Variants in NMNAT3 observed in about 807,000 individuals in gnomAD.
The protein encoded by NMNAT3 is nicotinamide/nicotinic acid mononucleotide adenylyltransferase 3.
In NMNAT3, 21 loss-of-function variants were observed where a neutral mutation model predicts 24.8. The observed-to-expected ratio is 0.85, with a 90% CI of 0.60 to 1.22. The LOEUF (loss-of-function observed/expected upper bound fraction) is 1.22, where lower values mean the gene tolerates loss of function less well. NMNAT3 is among the 50% of genes most tolerant of loss of function. The pLI is 0.00. For missense variants in NMNAT3, 387 were observed against 436.6 expected, an observed-to-expected ratio of 0.89 and a Z score of 1.01; for synonymous variants, 136 against 155.2, an observed-to-expected ratio of 0.88 and a Z score of 0.92.
rs1299887100 is a variant in NMNAT3, at chr3:139,591,805, A to G, written c.110-8597T>C. 4.6e-5 allele frequency among the ~76,000 whole-genome samples: 7 copies of G among 152,366 alleles called. No individual in the cohort carries two copies. In the South Asian group the frequency reaches 8.3e-4, roughly 18 times the overall value. On this transcript the variant is annotated intron_variant, in intron 3 of 6. Coordinates refer to ENST00000643695, the MANE Select transcript of NMNAT3 (RefSeq NM_001320510.2). Reference sequence around the variant, plus strand: ...AACAAACAGAAAGGACATCCACACCAAAAACCCATCTGTACTTCACCATCA... The same window carrying G: ...AACAAACAGAAAGGACATCCACACCGAAAACCCATCTGTACTTCACCATCA...
chr3:139,652,434 G>A (rs1165549571), intron 1 of NMNAT3, among the ~76,000 whole-genome samples: 2 of 152,228 alleles, frequency 1.3e-5, no homozygotes, highest in Non-Finnish European at 2.9e-5. Context: ...GGGACTTAGA[G>A]AACTGAACTT....
chr3:139,623,895 CT>C (rs1263386576), intron 3 of NMNAT3, among the ~76,000 whole-genome samples: 1 of 152,110 alleles, frequency 6.6e-6, no homozygotes, highest in Non-Finnish European at 1.5e-5. Context: ...ACTTTTTAGA[CT>C]TTTATATGAT....
At chr3:139,580,315 GT>G (rs1239886199) in intron 4 of NMNAT3, among the ~76,000 whole-genome samples, 1 of 152,168 alleles carries the variant, frequency 6.6e-6, no homozygotes, top group Admixed American at 6.5e-5. Context: ...TAGAGACAGG[GT>G]TTTGCCATGT....
At chr3:139,628,254 C>A (rs1336216461) in intron 2 of NMNAT3, among the ~76,000 whole-genome samples, 3 of 152,182 alleles carry the variant, frequency 2.0e-5, no homozygotes, top group Admixed American at 2.0e-4. Flanking sequence ...AAAAAAGTTA[C>A]AAAATTTATA....
intron 2 of NMNAT3, among the ~76,000 whole-genome samples, chr3:139,629,515 A>C (rs1415606706): frequency 6.6e-6 from 1 of 152,256 alleles, no homozygotes; most frequent in Non-Finnish European, 1.5e-5. Flanking sequence ...TTATGCAGTA[A>C]TAGATAATAC....
intron 3 of NMNAT3, chr3:139,599,543 G>C (rs867840842): frequency 4.9e-6 from 3 of 613,718 alleles, no homozygotes; most frequent in Middle Eastern, 2.5e-4. Flanking sequence ...AATGTAGCAT[G>C]TTAAGAAAAA....
In NMNAT3 at chr3:139,672,496, C is replaced by T. The variant is rs2057791886; in HGVS notation, c.-141+5209G>A. 2.6e-5 allele frequency: 4 copies of T among 152,280 alleles called. No homozygotes were observed. In the South Asian group the frequency reaches 8.3e-4, roughly 32 times the overall value. 9.4% of individuals were successfully genotyped at this position (152,280 alleles called of 1,614,324 possible). On this transcript the variant is annotated intron_variant, in intron 1 of 6. Transcript: ENST00000643695. ...TTTATGAAAGGGAGATTTCCAGAACCACTTCTTTTCTCCATGGCTAAGAGC... is the reference window on the plus strand; with the variant it reads ...TTTATGAAAGGGAGATTTCCAGAACTACTTCTTTTCTCCATGGCTAAGAGC...
chr3:139,666,660 T>C (rs1230313481), intron 1 of NMNAT3, among the ~76,000 whole-genome samples: 1 of 152,192 alleles, frequency 6.6e-6, no homozygotes, highest in African/African-American at 2.4e-5. Context: ...GTCACCCTAC[T>C]GTGCTATCAG....
intron 2 of NMNAT3, among the ~76,000 whole-genome samples, chr3:139,630,275 C>T (rs2056238350): frequency 6.6e-6 from 1 of 152,126 alleles, no homozygotes; most frequent in African/African-American, 2.4e-5. Flanking sequence ...CCAGAAAAGG[C>T]ATCTATTTAG....
At chr3:139,580,445 T>A (rs1206270219) in intron 4 of NMNAT3, among the ~76,000 whole-genome samples, 2 of 151,950 alleles carry the variant, frequency 1.3e-5, no homozygotes, top group Non-Finnish European at 2.9e-5. Context: ...TTTTTCTGAG[T>A]GTTTTGTAGA....
intron 3 of NMNAT3, among the ~76,000 whole-genome samples, chr3:139,618,176 T>C (rs1362616410): frequency 6.6e-5 from 10 of 152,172 alleles, no homozygotes; most frequent in Non-Finnish European, 1.3e-4. Context: ...TTCCCAAACA[T>C]TCTTTCAAGT....
At chr3:139,596,948 ATATATATATATATATATT>A (rs1465880880) in intron 3 of NMNAT3, among the ~76,000 whole-genome samples, 1,261 of 65,042 alleles carry the variant, frequency 0.019, 18 homozygotes, top group Non-Finnish European at 0.028. Context: ...ATATATATAT[ATATATATATATATATATT>A]TTTATTACAT....
rs141990652 is a variant in NMNAT3 at position 139,663,237 on chromosome 3, T to C, written c.-141+14468A>G. ...ATGGGCAGTCCAGTTTTTCTCATGC[T>C]ACATCTCTCTGACTCTCCTGCCTCC... On this transcript the variant is annotated intron_variant, in intron 1 of 6. Coordinates refer to ENST00000643695, the MANE Select transcript of NMNAT3 (RefSeq NM_001320510.2). Among the ~76,000 whole-genome samples, 789 of 152,346 alleles carry C rather than the reference T, an allele frequency of 5.2e-3. 7 individuals are homozygous for C. Among genetic ancestry groups the C allele is most frequent in the African/African-American group, 0.018 (737 of 41,582 alleles).
intron 3 of NMNAT3, among the ~76,000 whole-genome samples, chr3:139,607,585 G>C (rs1184171162): frequency 6.6e-6 from 1 of 152,012 alleles, no homozygotes; most frequent in Non-Finnish European, 1.5e-5. Flanking sequence ...ATTTGTAATA[G>C]AGCCAGGCTC....
intron 3 of NMNAT3, among the ~76,000 whole-genome samples, chr3:139,610,512 G>GA (rs777439389): frequency 7.2e-5 from 11 of 152,144 alleles, no homozygotes; most frequent in Non-Finnish European, 1.5e-4. Context: ...ATCTTCTCCA[G>GA]AAAAATCTTT....
intron 3 of NMNAT3, among the ~76,000 whole-genome samples, chr3:139,611,266 G>A (rs2055201114): frequency 6.6e-6 from 1 of 152,176 alleles, no homozygotes; most frequent in South Asian, 2.1e-4. Context: ...ATGGCCACAG[G>A]AATAGGAGAT....
intron 3 of NMNAT3, among the ~76,000 whole-genome samples, chr3:139,587,088 A>G (rs1316291135): frequency 6.6e-6 from 1 of 152,222 alleles, no homozygotes; most frequent in African/African-American, 2.4e-5. Context: ...ACCACCTTGC[A>G]TTGCCCTGTG....
At chr3:139,576,736 C>T (rs973901489) in intron 5 of NMNAT3, among the ~76,000 whole-genome samples, 35 of 152,014 alleles carry the variant, frequency 2.3e-4, no homozygotes, top group African/African-American at 8.5e-4. Flanking sequence ...CACTGAGCAA[C>T]ACAAGAATAA....
At chr3:139,628,919 G>A (rs1255432956) in intron 2 of NMNAT3, among the ~76,000 whole-genome samples, 1 of 152,200 alleles carries the variant, frequency 6.6e-6, no homozygotes, top group Non-Finnish European at 1.5e-5. Flanking sequence ...TGATGATGAT[G>A]ACAATGGTGA....
Sources: allele counts gnomAD v4.1 joint callset (sites outside exome capture counted in the v4.1 genomes callset), GRCh38; gene constraint gnomAD v4.1.1; transcripts MANE v1.5; gene names NCBI Gene and HGNC (gene_info 2026-07-23, HGNC 2026-07-21).